The following EPHA5 variants were observed in gnomAD, a reference collection of about 807,000 sequenced individuals.
EPHA5 encodes ephrin type-A receptor 5.
Under a neutral mutation model 105.0 loss-of-function variants are expected in EPHA5, and 60 were observed. That is an observed-to-expected ratio of 0.57 (90% CI 0.46 to 0.71). EPHA5 has a LOEUF of 0.71. EPHA5 is among the 30% of genes least tolerant of loss of function. The pLI, the probability that EPHA5 is intolerant of heterozygous loss-of-function variation, is 0.00. For missense variants in EPHA5, 1,218 were observed against 1,274.7 expected, an observed-to-expected ratio of 0.96 and a Z score of 0.68; for synonymous variants, 513 against 449.1, an observed-to-expected ratio of 1.14 and a Z score of -1.80.
intron 5 of EPHA5, among the ~76,000 whole-genome samples, chr4:65,486,338 C>T (rs1476813294): frequency 6.6e-6 from 1 of 150,606 alleles, no homozygotes; most frequent in African/African-American, 2.4e-5. Flanking sequence ...TTCTTTGAGT[C>T]TTATATATGT....
chr4:65,578,683 G>C (rs1741308404), intron 3 of EPHA5, among the ~76,000 whole-genome samples: 1 of 152,148 alleles, frequency 6.6e-6, no homozygotes, highest in African/African-American at 2.4e-5. Context: ...AAAAAGACGA[G>C]AGTACCGAAA....
At chr4:65,336,344 C>A (rs551295134) in intron 14 of EPHA5, among the ~76,000 whole-genome samples, 1 of 151,884 alleles carries the variant, frequency 6.6e-6, no homozygotes, top group Non-Finnish European at 1.5e-5. Flanking sequence ...GCTTTCTTCA[C>A]GTATTATAAA....
At chr4:65,415,411 ATTCT>A (rs1276795482) in intron 6 of EPHA5, among the ~76,000 whole-genome samples, 1 of 152,024 alleles carries the variant, frequency 6.6e-6, no homozygotes, top group Non-Finnish European at 1.5e-5. Context: ...AATATTTGTA[ATTCT>A]TTCTTATATG....
intron 3 of EPHA5, among the ~76,000 whole-genome samples, chr4:65,546,951 A>T (rs1269160486): frequency 6.6e-6 from 1 of 152,066 alleles, no homozygotes; most frequent in East Asian, 1.9e-4. Context: ...TGAAAATTTC[A>T]ACCTCTTCCC....
chr4:65,625,693 AT>A (rs1746075656), intron 2 of EPHA5, among the ~76,000 whole-genome samples: 1 of 152,232 alleles, frequency 6.6e-6, no homozygotes, highest in Non-Finnish European at 1.5e-5. Flanking sequence ...AGTCCACAAC[AT>A]AATACTAATT....
chr4:65,337,289 C>T lies in EPHA5; in HGVS notation c.2596-1164G>A, dbSNP rs1319346845. On this transcript the variant is annotated intron_variant, in intron 14 of 16. Coordinates refer to ENST00000613740, the MANE Select transcript of EPHA5 (RefSeq NM_001281766.3). ...GAAGTTATTGGTAAGCATATTAACC[C>T]CGCAGTGCTGCAGAACACAAGAATT... Among the ~76,000 whole-genome samples the T allele has an allele frequency of 2.6e-5, 4 of 152,044 alleles. No individual in the cohort carries two copies. The East Asian group carries it at 7.7e-4, about 29-fold the overall frequency.
chr4:65,468,058 C>A (rs946976238), intron 5 of EPHA5, among the ~76,000 whole-genome samples: 1 of 152,146 alleles, frequency 6.6e-6, no homozygotes, highest in East Asian at 1.9e-4. Flanking sequence ...TACTACTGGA[C>A]TTCCAACTTA....
intron 2 of EPHA5, among the ~76,000 whole-genome samples, chr4:65,612,016 CAAAAA>C (rs1167342911): frequency 1.2e-4 from 7 of 58,102 alleles, no homozygotes; most frequent in East Asian, 5.0e-4. Flanking sequence ...GACCCTCTCT[CAAAAA>C]AAAAAAAAAA....
chr4:65,352,807 A>T (rs1385477378), intron 12 of EPHA5, among the ~76,000 whole-genome samples: 1 of 148,580 alleles, frequency 6.7e-6, no homozygotes. Flanking sequence ...TCAAATTAAG[A>T]CATACTTAAA....
At chr4:65,412,762 T>A (rs1466902732) in intron 7 of EPHA5, among the ~76,000 whole-genome samples, 1 of 152,136 alleles carries the variant, frequency 6.6e-6, no homozygotes, top group Non-Finnish European at 1.5e-5. Flanking sequence ...CTCTAAGTCA[T>A]CTGATTGAGT....
intron 6 of EPHA5, among the ~76,000 whole-genome samples, chr4:65,417,203 A>T (rs550997853): frequency 1.3e-5 from 2 of 152,190 alleles, no homozygotes; most frequent in Non-Finnish European, 2.9e-5. Flanking sequence ...CTATTAGAGC[A>T]GGGCAATCAC....
rs375780534 is a variant in EPHA5, at chr4:65,380,746, T to C, written c.1794-13322A>G. ...AAATTAAATTAACAACAAACGATGA[T>C]ATTCAGGGCTAGAGAAAACAGAATG... On this transcript the variant is annotated intron_variant, in intron 8 of 16. Transcript: ENST00000613740. Among the ~76,000 whole-genome samples the C allele has an allele frequency of 4.6e-5, 7 of 151,964 alleles. No individual in the cohort carries two copies. The East Asian group carries it at 1.4e-3, about 30-fold the overall frequency.
chr4:65,341,763 G>T (rs941343266), intron 14 of EPHA5, among the ~76,000 whole-genome samples: 1 of 151,850 alleles, frequency 6.6e-6, no homozygotes, highest in Non-Finnish European at 1.5e-5. Context: ...TCAGCTGTGT[G>T]TTTCCATGAA....
chr4:65,510,713 T>G (rs545528357), intron 3 of EPHA5, among the ~76,000 whole-genome samples: 20 of 152,188 alleles, frequency 1.3e-4, no homozygotes, highest in Non-Finnish European at 2.5e-4. Context: ...TTAGCTGCCT[T>G]GGTGTCTGTC....
At chr4:65,466,027 CAT>C (rs1362850256) in intron 5 of EPHA5, among the ~76,000 whole-genome samples, 2 of 152,150 alleles carry the variant, frequency 1.3e-5, no homozygotes, top group Admixed American at 6.6e-5. Context: ...TTAAGTAAAT[CAT>C]ATAGTGTTAG....
chr4:65,553,287 C>T (rs1376603108), intron 3 of EPHA5, among the ~76,000 whole-genome samples: 1 of 151,982 alleles, frequency 6.6e-6, no homozygotes, highest in Non-Finnish European at 1.5e-5. Flanking sequence ...TAAGCCATCT[C>T]CTTGCCTTCA....
At chr4:65,549,139 A>T (rs1474320108) in intron 3 of EPHA5, among the ~76,000 whole-genome samples, 1 of 152,138 alleles carries the variant, frequency 6.6e-6, no homozygotes, top group Non-Finnish European at 1.5e-5. Context: ...CAGGAAGAGA[A>T]AACTGTCAGA....
At chr4:65,514,742 T>C (rs1189194825) in intron 3 of EPHA5, among the ~76,000 whole-genome samples, 1 of 152,150 alleles carries the variant, frequency 6.6e-6, no homozygotes, top group African/African-American at 2.4e-5. Flanking sequence ...TCATCAAATC[T>C]CATGCCATCA....
chr4:65,601,894 A>T lies in EPHA5; in HGVS notation c.657T>A (p.Ala219=), dbSNP rs759534013. 1 of 1,614,180 alleles carries T rather than the reference A, an allele frequency of 6.2e-7. No homozygotes were observed. The highest frequency in any genetic ancestry group is 8.5e-7 in the Non-Finnish European group (1 of 1,180,030). Reference sequence around the variant, plus strand: ...CACGCACAGAAACCAGAGCAATGCAAGCACCAACATCTTGAAAAGCAAGAT... The same window carrying T: ...CACGCACAGAAACCAGAGCAATGCATGCACCAACATCTTGAAAAGCAAGAT... ...GFYLAFQDVG[A]CIALVSVRVY... is the part of the protein sequence containing the mutation. Residue 219 remains alanine (A), a synonymous_variant, in exon 3 of 17, where the codon GCT becomes GCA. Transcript: ENST00000613740.
Sources: allele counts gnomAD v4.1 joint callset (sites outside exome capture counted in the v4.1 genomes callset), GRCh38; gene constraint gnomAD v4.1.1; transcripts MANE v1.5; gene names NCBI Gene and HGNC (gene_info 2026-07-23, HGNC 2026-07-21).